KIF13A: variants seen among roughly 807,000 people sequenced by gnomAD.
KIF13A encodes the protein kinesin family member 13A.
In KIF13A, 79 loss-of-function variants were observed where a neutral mutation model predicts 212.2. That is an observed-to-expected ratio of 0.37 (90% CI 0.31 to 0.45). The LOEUF is 0.45. KIF13A is among the 20% of genes least tolerant of loss of function. The pLI is 1.00. For missense variants in KIF13A, 1,901 were observed against 2,209.0 expected (o/e 0.86, Z 2.79); for synonymous variants, 789 against 808.6 (o/e 0.98, Z 0.41).
intron 13 of KIF13A, among the ~76,000 whole-genome samples, chr6:17,830,408 G>A (rs1765343605): frequency 6.6e-6 from 1 of 152,110 alleles, no homozygotes; most frequent in African/African-American, 2.4e-5. Flanking sequence ...GTCCAATACA[G>A]TAAACACGGA....
chr6:17,863,490 G>C (rs1463104637), intron 4 of KIF13A, among the ~76,000 whole-genome samples: 2 of 151,604 alleles, frequency 1.3e-5, no homozygotes, highest in Non-Finnish European at 2.9e-5. Flanking sequence ...CTGCCCTTCT[G>C]GTGCCTTTTC....
chr6:17,918,048 T>A lies in KIF13A; in HGVS notation c.147-19868A>T, dbSNP rs1774705334. On this transcript the variant is annotated intron_variant, in intron 2 of 38. Transcript: ENST00000259711. The surrounding 1 kb of genome is among the most constrained non-coding windows in gnomAD (Gnocchi z 4.8). ...TTTCCTCGTGGCACCTGTTGCACTT[T>A]CTCGGAGTCATGGTTTGTTGTCTGT... 6.6e-6 allele frequency among the ~76,000 whole-genome samples: 1 copy of A among 152,028 alleles called. No homozygotes were observed. The highest frequency in any genetic ancestry group is 1.5e-5 in the Non-Finnish European group (1 of 68,006).
intron 2 of KIF13A, among the ~76,000 whole-genome samples, chr6:17,916,214 G>C (rs140167529): frequency 2.6e-4 from 39 of 152,236 alleles, no homozygotes; most frequent in African/African-American, 9.1e-4. Flanking sequence ...AGCAAACTAG[G>C]AATACAAGGA....
intron 3 of KIF13A, among the ~76,000 whole-genome samples, chr6:17,894,695 C>A (rs753635298): frequency 3.3e-5 from 5 of 152,044 alleles, no homozygotes; most frequent in African/African-American, 1.2e-4. Flanking sequence ...CTAAACTTCA[C>A]GGTTTATATT....
Position 17,794,619 on chromosome 6 carries a change from G to C in KIF13A, c.3028C>G (p.His1010Asp). ...CCTGTGTTGACATCTTTTGCCTGATGAAGTTCCACTGCAGCATACTCTCCT... is the reference window on the plus strand; with the variant it reads ...CCTGTGTTGACATCTTTTGCCTGATCAAGTTCCACTGCAGCATACTCTCCT... The part of the protein sequence containing the change: ...ELGEYAAVEL[H>D]QAKDVNTGGI... Residue 1010 changes from histidine to aspartate, a missense_variant, in exon 24 of 39, where the codon CAT becomes GAT. Around this residue, in one of 5 missense-constraint regions of KIF13A, gnomAD observed 168 missense variants for 250.9 expected, o/e 0.67. Coordinates refer to ENST00000259711, the MANE Select transcript of KIF13A (RefSeq NM_022113.6). The surrounding 1 kb of genome is among the most constrained non-coding windows in gnomAD (Gnocchi z 4.1). The C allele has an allele frequency of 6.2e-7, 1 of 1,613,190 alleles. No homozygotes were observed. The highest frequency in any genetic ancestry group is 8.5e-7 in the Non-Finnish European group (1 of 1,179,712).
chr6:17,817,810 T>C (rs1383962898), intron 16 of KIF13A, among the ~76,000 whole-genome samples: 4 of 152,204 alleles, frequency 2.6e-5, no homozygotes, highest in Non-Finnish European at 4.4e-5. Flanking sequence ...GACTAGTATC[T>C]AAAAGGACAA....
intron 9 of KIF13A, among the ~76,000 whole-genome samples, chr6:17,844,361 GAAAATGTTAGTGTATACTTT>G (rs1364310695): frequency 6.6e-6 from 1 of 152,120 alleles, no homozygotes; most frequent in Non-Finnish European, 1.5e-5. Context: ...TGACATTTCT[GAAAATGTTAGTGTATACTTT>G]AAAATGTTAC....
chr6:17,944,896 T>C (rs549537628), intron 2 of KIF13A, among the ~76,000 whole-genome samples: 12 of 152,206 alleles, frequency 7.9e-5, no homozygotes, highest in African/African-American at 2.9e-4. Flanking sequence ...TTAATGAGAA[T>C]TTAACAAAGT....
intron 22 of KIF13A, among the ~76,000 whole-genome samples, chr6:17,797,436 T>C (rs1222294850): frequency 3.9e-5 from 6 of 152,220 alleles, no homozygotes; most frequent in Admixed American, 3.9e-4. Context: ...ACTTGGTTCA[T>C]TCTCAGTTCC....
rs978330878 is a variant in KIF13A at position 17,972,465 on chromosome 6, T to C, written c.146+14589A>G. On this transcript the variant is annotated intron_variant, in intron 2 of 38. Transcript: ENST00000259711. ...CACATTCTCTCTTTAGCTGGGAAAA[T>C]AGGTGGGCGCCAAAGGCATCAATTC... Among the ~76,000 whole-genome samples the C allele has an allele frequency of 5.3e-5, 8 of 152,214 alleles. No homozygotes were observed. In the South Asian group the frequency reaches 8.3e-4, roughly 16 times the overall value.
At chr6:17,940,411 T>C (rs1407702627) in intron 2 of KIF13A, among the ~76,000 whole-genome samples, 1 of 152,216 alleles carries the variant, frequency 6.6e-6, no homozygotes, top group Non-Finnish European at 1.5e-5. Context: ...AATTAAGTTA[T>C]GGAGAAAGCA....
At chr6:17,910,616 CTG>C (rs1168303504) in intron 2 of KIF13A, among the ~76,000 whole-genome samples, 6 of 152,144 alleles carry the variant, frequency 3.9e-5, no homozygotes, top group Non-Finnish European at 8.8e-5. Flanking sequence ...TTTAAATTAA[CTG>C]TTAGTTTTTG....
intron 2 of KIF13A, among the ~76,000 whole-genome samples, chr6:17,952,948 C>T (rs555223265): frequency 6.7e-6 from 1 of 149,734 alleles, no homozygotes; most frequent in Non-Finnish European, 1.5e-5. Flanking sequence ...AAAAGAGAAG[C>T]GAAGCGAAGA....
chr6:17,936,717 A>T (rs1175630995), intron 2 of KIF13A, among the ~76,000 whole-genome samples: 2 of 152,232 alleles, frequency 1.3e-5, no homozygotes, highest in Non-Finnish European at 2.9e-5. Context: ...AAAGTCAGTA[A>T]TGCAACTAAC....
At chr6:17,944,096 A>G (rs921673924) in intron 2 of KIF13A, among the ~76,000 whole-genome samples, 1 of 152,214 alleles carries the variant, frequency 6.6e-6, no homozygotes, top group African/African-American at 2.4e-5. Flanking sequence ...AGGGTAATCA[A>G]TTTGGCTTTA....
rs2150481631 is a variant in KIF13A, at chr6:17,897,812, T to C, written c.159+356A>G. Reference sequence around the variant, plus strand: ...GTTCCTCCACATTCTAGGCTGTTGATACTGTGCAGTCCCAGCTCTTCCATT... The same window carrying C: ...GTTCCTCCACATTCTAGGCTGTTGACACTGTGCAGTCCCAGCTCTTCCATT... On this transcript the variant is annotated intron_variant, in intron 3 of 38. Coordinates refer to ENST00000259711, the MANE Select transcript of KIF13A (RefSeq NM_022113.6). This position sits in a 1 kb window ranked among gnomAD's most constrained non-coding sequence, Gnocchi z 4.8. Among the ~76,000 whole-genome samples the C allele has an allele frequency of 6.6e-6, 1 of 152,344 alleles. No homozygotes were observed. Among genetic ancestry groups the C allele is most frequent in the South Asian group, 2.1e-4 (1 of 4,826 alleles).
intron 9 of KIF13A, among the ~76,000 whole-genome samples, chr6:17,841,944 T>TAC (rs201316800): frequency 0.061 from 9,272 of 151,728 alleles, 365 homozygotes; most frequent in Middle Eastern, 0.075. Flanking sequence ...TTTGTGTGTC[T>TAC]ACATACACAC....
chr6:17,913,709 G>C (rs994181776), intron 2 of KIF13A, among the ~76,000 whole-genome samples: 1 of 152,070 alleles, frequency 6.6e-6, no homozygotes, highest in Non-Finnish European at 1.5e-5. Context: ...GAAAGGATCT[G>C]GTGTCAATCC....
chr6:17,906,728 C>T (rs929264165), intron 2 of KIF13A, among the ~76,000 whole-genome samples: 26 of 152,242 alleles, frequency 1.7e-4, no homozygotes, highest in African/African-American at 5.8e-4. Flanking sequence ...GCTGAGATTA[C>T]ACGCATTAGC....
Sources: allele counts gnomAD v4.1 joint callset (sites outside exome capture counted in the v4.1 genomes callset), GRCh38; gene constraint gnomAD v4.1.1; regional missense constraint gnomAD v4.1.1; non-coding constraint Gnocchi (gnomAD v3.1); transcripts MANE v1.5; gene names NCBI Gene and HGNC (gene_info 2026-07-23, HGNC 2026-07-21).